SEMA5A: variants seen among roughly 807,000 people sequenced by gnomAD.
The protein encoded by SEMA5A is semaphorin-5A.
In SEMA5A, 55 loss-of-function variants were observed where a neutral mutation model predicts 135.5. The observed-to-expected ratio is 0.41, with a 90% CI of 0.33 to 0.51. SEMA5A has a LOEUF of 0.51. Among genes scored for constraint, SEMA5A ranks in the 20% least tolerant of loss-of-function variants. SEMA5A has a pLI of 0.37. For synonymous variants in SEMA5A, 580 were observed against 546.5 expected (o/e 1.06, Z -0.85); for missense variants, 1,290 against 1,419.9 (o/e 0.91, Z 1.47).
rs899013591 is a variant in SEMA5A, at chr5:9,242,286, C to T, written c.271-4396G>A. Among the ~76,000 whole-genome samples the T allele has an allele frequency of 5.9e-5, 9 of 152,280 alleles. No individual in the cohort carries two copies. The South Asian group carries it at 1.9e-3, about 32-fold the overall frequency. On this transcript the variant is annotated intron_variant, in intron 5 of 22. Transcript: ENST00000382496. Reference sequence around the variant, plus strand: ...TTGCTAATTATAATACCTTCATGGTCACACGTGTCAGGGTCACACAAGTGT... The same window carrying T: ...TTGCTAATTATAATACCTTCATGGTTACACGTGTCAGGGTCACACAAGTGT...
At chr5:9,491,240 G>T (rs936564247) in intron 1 of SEMA5A, among the ~76,000 whole-genome samples, 4 of 152,136 alleles carry the variant, frequency 2.6e-5, no homozygotes, top group African/African-American at 9.7e-5. Context: ...CAGGGGCTGA[G>T]GGGAGGGAGG....
chr5:9,397,661 A>G (rs1025331205), intron 2 of SEMA5A, among the ~76,000 whole-genome samples: 11 of 152,218 alleles, frequency 7.2e-5, no homozygotes, highest in African/African-American at 2.7e-4. Flanking sequence ...ATGTATGATT[A>G]TTATAATAAA....
intron 21 of SEMA5A, among the ~76,000 whole-genome samples, chr5:9,047,466 A>C (rs1483230210): frequency 1.3e-5 from 2 of 151,972 alleles, no homozygotes; most frequent in Non-Finnish European, 2.9e-5. Context: ...ATTTCTTCTG[A>C]TTTTCTGCAT....
chr5:9,476,033 G>C (rs1759655902), intron 1 of SEMA5A, among the ~76,000 whole-genome samples: 1 of 152,130 alleles, frequency 6.6e-6, no homozygotes, highest in Non-Finnish European at 1.5e-5. Flanking sequence ...TATACATGCT[G>C]TTTAACACCT....
intron 3 of SEMA5A, among the ~76,000 whole-genome samples, chr5:9,360,839 G>A (rs959423746): frequency 6.6e-6 from 1 of 152,186 alleles, no homozygotes; most frequent in Non-Finnish European, 1.5e-5. Flanking sequence ...ATCAGTCTGT[G>A]ATTTATCTTT....
At chr5:9,139,965 A>G (rs184591525) in intron 12 of SEMA5A, among the ~76,000 whole-genome samples, 1 of 152,286 alleles carries the variant, frequency 6.6e-6, no homozygotes, top group Admixed American at 6.5e-5. Context: ...TAAACAAACA[A>G]ACAAATCAAA....
intron 18 of SEMA5A, among the ~76,000 whole-genome samples, chr5:9,059,372 C>G (rs921742255): frequency 1.3e-5 from 2 of 152,100 alleles, no homozygotes; most frequent in Non-Finnish European, 2.9e-5. Context: ...TTTCTCAATG[C>G]TGGCGTAAAT....
chr5:9,238,003 G>T, intron 5 of SEMA5A, 113 bp from the exon 6 acceptor site: 2 of 856,462 alleles, frequency 2.3e-6, no homozygotes, highest in Non-Finnish European at 3.8e-6. Context: ...CTGCATCCTG[G>T]CACCAACATT....
intron 16 of SEMA5A, among the ~76,000 whole-genome samples, chr5:9,080,633 A>G (rs1579355534): frequency 6.6e-6 from 1 of 152,042 alleles, no homozygotes; most frequent in East Asian, 1.9e-4. Flanking sequence ...GACCTCCACA[A>G]AGACTCAGGG....
At chr5:9,253,788 T>C (rs557845494) in intron 5 of SEMA5A, among the ~76,000 whole-genome samples, 106 of 151,920 alleles carry the variant, frequency 7.0e-4, no homozygotes, top group African/African-American at 2.4e-3. Context: ...TTCCTTCCTG[T>C]GCCATCTACA....
At chr5:9,221,594 G>A (rs369439445) in intron 8 of SEMA5A, among the ~76,000 whole-genome samples, 203 of 152,222 alleles carry the variant, frequency 1.3e-3, no homozygotes, top group South Asian at 7.5e-3. Context: ...GAGCCACCGC[G>A]CCTGGCCCCC....
At chr5:9,482,338 T>C (rs444808) in intron 1 of SEMA5A, among the ~76,000 whole-genome samples, 148,015 of 152,302 alleles carry the variant, frequency 0.97, 72,154 homozygotes, top group Non-Finnish European at 1. Context: ...CTGGAGGCCT[T>C]GTAATGTAGA....
chr5:9,428,164 CT>C (rs1757734884), intron 2 of SEMA5A, among the ~76,000 whole-genome samples: 2 of 91,852 alleles, frequency 2.2e-5, no homozygotes, highest in African/African-American at 5.1e-5. Context: ...ATCTATCTAT[CT>C]ATCCATCCAT....
intron 18 of SEMA5A, among the ~76,000 whole-genome samples, chr5:9,061,711 A>G (rs1324070527): frequency 1.3e-5 from 2 of 152,036 alleles, no homozygotes; most frequent in African/African-American, 4.8e-5. Context: ...GCTCATTTTC[A>G]TGACTCTGTG....
intron 14 of SEMA5A, among the ~76,000 whole-genome samples, chr5:9,122,310 C>G (rs1740855183): frequency 6.6e-6 from 1 of 152,086 alleles, no homozygotes; most frequent in African/African-American, 2.4e-5. Context: ...ACCTCCTAAC[C>G]TAGTGTTATT....
At chr5:9,465,293 A>G (rs1219314119) in intron 1 of SEMA5A, among the ~76,000 whole-genome samples, 1 of 152,256 alleles carries the variant, frequency 6.6e-6, no homozygotes, top group African/African-American at 2.4e-5. Flanking sequence ...TATGTAAAAT[A>G]TAGTGACTTT....
rs147858695 is a variant in SEMA5A, at chr5:9,097,100, A to G, written c.2073+11040T>C. Among the ~76,000 whole-genome samples the G allele has an allele frequency of 4.0e-3, 615 of 152,220 alleles. 6 individuals carry two copies. Among genetic ancestry groups the G allele is most frequent in the African/African-American group, 0.014 (591 of 41,528 alleles). ...AAAATTTACTTTAAAAAGAGGGGGG[A>G]AAAAGCATACTGTGAACAGTAGCAT... On this transcript the variant is annotated intron_variant, in intron 16 of 22. Coordinates refer to ENST00000382496, the MANE Select transcript of SEMA5A (RefSeq NM_003966.3).
rs70943947 is a variant in SEMA5A at position 9,207,102 on chromosome 5, GTATATATATATATATA to G, written c.647-4878_647-4863del. On this transcript the variant is annotated intron_variant, in intron 8 of 22. Transcript: ENST00000382496. ...ACATAATGATAATGAATGATCAAGT[GTATATATATATATATA>G]TATATATATATATATAAAGCTTAAA... is the stretch of plus-strand genomic sequence containing the variant. Among the ~76,000 whole-genome samples the G allele has an allele frequency of 1.8e-4, 18 of 97,678 alleles. 1 individual carries two copies. In the East Asian group the frequency reaches 2.5e-3, roughly 14 times the overall value. 64.1% of individuals were successfully genotyped at this position (97,678 alleles called of 152,430 possible). A position where few individuals can be genotyped will look rare whatever the true frequency, so the allele number is the denominator to read the frequency against.
chr5:9,509,400 G>A (rs925542215), intron 1 of SEMA5A, among the ~76,000 whole-genome samples: 7 of 151,880 alleles, frequency 4.6e-5, no homozygotes, highest in African/African-American at 7.3e-5. Flanking sequence ...TCAGCCTCCC[G>A]AGTAGCTGGG....
Sources: allele counts gnomAD v4.1 joint callset (sites outside exome capture counted in the v4.1 genomes callset), GRCh38; gene constraint gnomAD v4.1.1; transcripts MANE v1.5; gene names NCBI Gene and HGNC (gene_info 2026-07-23, HGNC 2026-07-21).